The following CNMD variants were observed in gnomAD, a reference collection of about 807,000 sequenced individuals.
The protein encoded by CNMD is chondromodulin.
CNMD carries 30 observed loss-of-function variants against 37.5 expected under a neutral mutation model. The ratio of observed to expected loss-of-function variants is 0.80; its 90% confidence interval spans 0.60 to 1.09. The LOEUF is 1.09. CNMD is among the 50% of genes least tolerant of loss of function. The pLI is 0.00. For missense variants in CNMD, 398 were observed against 423.9 expected, an observed-to-expected ratio of 0.94 and a Z score of 0.54; for synonymous variants, 167 against 148.2, an observed-to-expected ratio of 1.13 and a Z score of -0.92.
intron 4 of CNMD, among the ~76,000 whole-genome samples, chr13:52,713,336 A>C (rs1032081724): frequency 6.6e-6 from 1 of 152,206 alleles, no homozygotes; most frequent in South Asian, 2.1e-4. Flanking sequence ...TCTTCAGTTC[A>C]AAGTATTATT....
At chr13:52,723,929 C>A (rs1196714855) in intron 4 of CNMD, 68 bp downstream of exon 4, 5 of 1,009,238 alleles carry the variant, frequency 5.0e-6, no homozygotes, top group Non-Finnish European at 7.7e-6. Flanking sequence ...AAATAAAAAC[C>A]AAAAGGGTTG....
Position 52,703,676 on chromosome 13 carries a change from A to T in CNMD, c.924T>A (p.Tyr308Ter), listed in dbSNP as rs201037740. The stretch of plus-strand genomic sequence containing the variant: ...AGGCCGAACGGCAGCCTTGATAATT[A>T]TAAGGCCATGGGTAATAGCCCCCCA... ...EPLGGYYPWP[Y>*]NYQGCRSACR... Residue 308 changes from tyrosine (Y) to a stop codon, truncating the protein, a stop_gained, in exon 7 of 7, where the codon TAT (tyrosine) becomes TAA (stop). Coordinates refer to ENST00000377962, the MANE Select transcript of CNMD (RefSeq NM_007015.3). LOFTEE classifies it high-confidence loss of function. 2.3e-5 allele frequency: 37 copies of T among 1,614,064 alleles called. No individual in the cohort carries two copies. Among genetic ancestry groups the T allele is most frequent in the Middle Eastern group, 1.6e-4 (1 of 6,084 alleles).
intron 4 of CNMD, among the ~76,000 whole-genome samples, chr13:52,717,943 T>C (rs1964417422): frequency 6.6e-6 from 1 of 152,202 alleles, no homozygotes; most frequent in South Asian, 2.1e-4. Context: ...GTACCTCTGG[T>C]AGAATTTGGC....
chr13:52,739,175 C>A lies in CNMD; in HGVS notation c.73-4G>T, dbSNP rs1566235523. On this transcript the variant is annotated splice_polypyrimidine_tract_variant and splice_region_variant and intron_variant, in intron 1 of 6. Transcript: ENST00000377962. The surrounding 1 kb of genome is among the most constrained non-coding windows in gnomAD (Gnocchi z 5.4). Reference sequence around the variant, plus strand: ...TCACCGTCAGCGTAGCGTACGCCTGCGGGCCGGGGCGGGAGAGGGACCGTC... The same window carrying A: ...TCACCGTCAGCGTAGCGTACGCCTGAGGGCCGGGGCGGGAGAGGGACCGTC... 1 of 1,474,626 alleles carries A rather than the reference C, an allele frequency of 6.8e-7. No individual in the cohort carries two copies. Among genetic ancestry groups the A allele is most frequent in the Non-Finnish European group, 8.9e-7 (1 of 1,118,680 alleles). The allele number at this position is 1,474,626 out of a possible 1,614,324, so 91.3% of individuals were successfully genotyped here. A position where few individuals can be genotyped will look rare whatever the true frequency, so the allele number is the denominator to read the frequency against.
At chr13:52,736,150 G>T (rs1237510598) in intron 2 of CNMD, among the ~76,000 whole-genome samples, 5 of 152,052 alleles carry the variant, frequency 3.3e-5, no homozygotes, top group Non-Finnish European at 5.9e-5. Context: ...CCCGCCACCA[G>T]GCCCAGCTAA....
intron 5 of CNMD, among the ~76,000 whole-genome samples, chr13:52,708,927 A>G (rs7338913): frequency 0.99 from 151,184 of 152,322 alleles, 75,028 homozygotes; most frequent in East Asian, 1. Context: ...TACTAATTGA[A>G]GATGACATTG....
intron 3 of CNMD, among the ~76,000 whole-genome samples, chr13:52,731,689 A>G (rs1964673336): frequency 6.6e-6 from 1 of 152,268 alleles, no homozygotes; most frequent in African/African-American, 2.4e-5. Context: ...TTTTTGATAC[A>G]TGAACATCTC....
At chr13:52,712,930 T>G (rs1179886038) in intron 4 of CNMD, 61 bp from the exon 5 acceptor site, 43 of 1,311,588 alleles carry the variant, frequency 3.3e-5, no homozygotes, top group Non-Finnish European at 4.2e-5. Flanking sequence ...GTATTAAGAG[T>G]CATGTGTTGC....
chr13:52,705,682 A>C (rs962298026), intron 6 of CNMD, among the ~76,000 whole-genome samples: 4 of 152,200 alleles, frequency 2.6e-5, no homozygotes, highest in African/African-American at 9.6e-5. Flanking sequence ...ACTGAATGAG[A>C]TCATGGAGAT....
chr13:52,719,095 C>CT (rs1242247250), intron 4 of CNMD, among the ~76,000 whole-genome samples: 1 of 152,072 alleles, frequency 6.6e-6, no homozygotes, highest in Non-Finnish European at 1.5e-5. Flanking sequence ...CCTTATTTGT[C>CT]TTTTTTGATC....
At chr13:52,731,649 G>A (rs546362981) in intron 3 of CNMD, among the ~76,000 whole-genome samples, 1 of 152,190 alleles carries the variant, frequency 6.6e-6, no homozygotes, top group Non-Finnish European at 1.5e-5. Context: ...CAGAAATATA[G>A]GTTTGGGATT....
chr13:52,703,664 G>T lies in CNMD; in HGVS notation c.936C>A (p.Gly312=). 6.2e-7 allele frequency: 1 copy of T among 1,614,158 alleles called. No individual in the cohort carries two copies. The highest frequency in any genetic ancestry group is 8.5e-7 in the Non-Finnish European group (1 of 1,179,990). Residue 312 remains glycine, a synonymous_variant, in exon 7 of 7, where the codon GGC becomes GGA. Transcript: ENST00000377962. The part of the protein sequence containing the change: ...GYYPWPYNYQ[G]CRSACRVIMP... Reference sequence around the variant, plus strand: ...TGATGACTCTGCAGGCCGAACGGCAGCCTTGATAATTATAAGGCCATGGGT... The same window carrying T: ...TGATGACTCTGCAGGCCGAACGGCATCCTTGATAATTATAAGGCCATGGGT...
chr13:52,733,570 T>C, intron 2 of CNMD: 1 of 636,784 alleles, frequency 1.6e-6, no homozygotes, highest in Non-Finnish European at 2.9e-6. Flanking sequence ...GTAAAGACTT[T>C]GGTTGCCTCT....
intron 4 of CNMD, among the ~76,000 whole-genome samples, chr13:52,721,136 T>C (rs771690796): frequency 2.6e-5 from 4 of 152,128 alleles, no homozygotes; most frequent in Non-Finnish European, 5.9e-5. Flanking sequence ...CAGTGATGGC[T>C]GATGCCCCTC....
intron 2 of CNMD, among the ~76,000 whole-genome samples, chr13:52,734,874 A>G (rs544056868): frequency 9.8e-5 from 15 of 152,312 alleles, no homozygotes; most frequent in African/African-American, 3.4e-4. Context: ...ACTCATTATT[A>G]CAAGACCCAC....
At chr13:52,719,664 T>C (rs1348322393) in intron 4 of CNMD, among the ~76,000 whole-genome samples, 1 of 152,212 alleles carries the variant, frequency 6.6e-6, no homozygotes, top group Non-Finnish European at 1.5e-5. Flanking sequence ...CCCACTCTCT[T>C]TTGGCTTGTA....
chr13:52,737,344 C>T (rs183441360), intron 2 of CNMD, among the ~76,000 whole-genome samples: 14 of 152,228 alleles, frequency 9.2e-5, no homozygotes, highest in Non-Finnish European at 1.8e-4. Flanking sequence ...TTTCTTCATT[C>T]TCCTGTCTGT....
At chr13:52,724,863 C>A (rs1292188800) in intron 3 of CNMD, among the ~76,000 whole-genome samples, 1 of 152,058 alleles carries the variant, frequency 6.6e-6, no homozygotes, top group African/African-American at 2.4e-5. Flanking sequence ...CCACTGCACT[C>A]CAGCTTGGGT....
At position 52,739,169 on chromosome 13, in the gene CNMD, C is replaced by T. The variant is rs1242035496; in HGVS notation, c.75G>A (p.Ala25=). ...PDDVEFCSPP[A]YATLTVKPSS... ...AGGGCTTCACCGTCAGCGTAGCGTA[C>T]GCCTGCGGGCCGGGGCGGGAGAGGG... The change falls in exon 2 of 7, where the codon GCG becomes GCA. Residue 25 remains alanine, a splice_region_variant and synonymous_variant. Transcript: ENST00000377962. The surrounding 1 kb of genome is among the most constrained non-coding windows in gnomAD (Gnocchi z 5.4). 14 of 1,488,574 alleles carry T rather than the reference C, an allele frequency of 9.4e-6. No individual in the cohort carries two copies. The highest frequency in any genetic ancestry group is 1.2e-5 in the Non-Finnish European group (14 of 1,125,794). 92.2% of individuals were successfully genotyped at this position (1,488,574 alleles called of 1,614,324 possible).
Sources: gnomAD v4.1 joint callset for allele counts (sites outside exome capture counted in the v4.1 genomes callset) on GRCh38, gnomAD v4.1.1 for gene constraint, Gnocchi (gnomAD v3.1) non-coding constraint, MANE v1.5 for transcripts, NCBI Gene and HGNC (gene_info 2026-07-23, HGNC 2026-07-21) for gene names.